The following CYTH3 variants were observed in gnomAD, a reference collection of about 807,000 sequenced individuals.
The protein encoded by CYTH3 is cytohesin-3.
In CYTH3, 23 loss-of-function variants were observed where a neutral mutation model predicts 55.1. The ratio of observed to expected loss-of-function variants is 0.42; its 90% CI spans 0.30 to 0.59. CYTH3 has a LOEUF of 0.59. Ranked by LOEUF, CYTH3 falls within the 20% of genes least tolerant of loss-of-function variation. CYTH3 has a pLI of 0.20. For synonymous variants in CYTH3, 249 were observed against 194.9 expected, an observed-to-expected ratio of 1.28 and a Z score of -2.31; for missense variants, 413 against 524.8, an observed-to-expected ratio of 0.79 and a Z score of 2.08.
In CYTH3 at chr7:6,163,285, C is replaced by A. The variant is rs1307305085; in HGVS notation, c.*1659G>T. The A allele has an allele frequency of 6.6e-6, 1 of 152,312 alleles. No individual in the cohort carries two copies. The highest frequency in any genetic ancestry group is 1.9e-4 in the East Asian group (1 of 5,196). The allele number at this position is 152,312 out of a possible 1,614,324, so 9.4% of individuals were successfully genotyped here. A position where few individuals can be genotyped will look rare whatever the true frequency, so the allele number is the denominator to read the frequency against. On this transcript the variant is annotated 3_prime_UTR_variant, in exon 13 of 13. Transcript: ENST00000350796. ...CTGCTGAGAAGGAAACCTAGGTGCA[C>A]AAAGTCTGAGGTTTTGTCTCTGGAC...
intron 1 of CYTH3, among the ~76,000 whole-genome samples, chr7:6,249,134 G>C (rs1443881951): frequency 6.6e-6 from 1 of 152,122 alleles, no homozygotes; most frequent in East Asian, 1.9e-4. Flanking sequence ...TTGGTGTTGC[G>C]TGTAGGTAAC....
At chr7:6,176,254 ATTT>A (rs776819156) in intron 5 of CYTH3, among the ~76,000 whole-genome samples, 5 of 82,898 alleles carry the variant, frequency 6.0e-5, no homozygotes, top group African/African-American at 1.6e-4. Context: ...AATACAATTG[ATTT>A]TTTTTTTTTT....
At chr7:6,241,632 T>G (rs1424351698) in intron 1 of CYTH3, among the ~76,000 whole-genome samples, 2 of 152,102 alleles carry the variant, frequency 1.3e-5, no homozygotes, top group Non-Finnish European at 2.9e-5. Flanking sequence ...AGCGAAAGAT[T>G]AGAAACAATC....
At chr7:6,185,201 C>G (rs1783604590) in intron 4 of CYTH3, among the ~76,000 whole-genome samples, 1 of 152,182 alleles carries the variant, frequency 6.6e-6, no homozygotes, top group Non-Finnish European at 1.5e-5. Flanking sequence ...AGCAGAGAAC[C>G]AGAAAGCAAC....
At chr7:6,245,721 A>G (rs992767171) in intron 1 of CYTH3, among the ~76,000 whole-genome samples, 3 of 152,208 alleles carry the variant, frequency 2.0e-5, no homozygotes, top group African/African-American at 7.2e-5. Context: ...CCTGACCAAC[A>G]TGGTGAAACC....
chr7:6,177,637 A>G (rs953617554), intron 5 of CYTH3, among the ~76,000 whole-genome samples, 186 bp downstream of exon 5: 1 of 152,208 alleles, frequency 6.6e-6, no homozygotes, highest in Non-Finnish European at 1.5e-5. Flanking sequence ...CTCTCCTCCC[A>G]TGGACACGGG....
chr7:6,187,868 CAGCTAG>C (rs1234085313), intron 2 of CYTH3, 147 bp from the exon 3 acceptor site: 4 of 681,088 alleles, frequency 5.9e-6, no homozygotes, highest in Non-Finnish European at 1.1e-5. Context: ...ATTATCAATA[CAGCTAG>C]AGCTTCATAG....
At chr7:6,225,135 T>C (rs565085588) in intron 1 of CYTH3, among the ~76,000 whole-genome samples, 4 of 152,156 alleles carry the variant, frequency 2.6e-5, no homozygotes, top group Non-Finnish European at 5.9e-5. Context: ...CCAAAACAAA[T>C]TATAAACAAA....
intron 4 of CYTH3, among the ~76,000 whole-genome samples, chr7:6,180,669 C>T (rs1157439042): frequency 6.6e-6 from 1 of 152,216 alleles, no homozygotes; most frequent in Non-Finnish European, 1.5e-5. Flanking sequence ...AATACTAATA[C>T]ACTAGGTAAA....
At chr7:6,229,318 T>C (rs954418051) in intron 1 of CYTH3, among the ~76,000 whole-genome samples, 1 of 152,198 alleles carries the variant, frequency 6.6e-6, no homozygotes, top group African/African-American at 2.4e-5. Flanking sequence ...TTTAAACTTA[T>C]AAAGAAATTA....
At chr7:6,227,398 T>C (rs184109874) in intron 1 of CYTH3, among the ~76,000 whole-genome samples, 27 of 152,092 alleles carry the variant, frequency 1.8e-4, no homozygotes, top group Admixed American at 3.9e-4. Context: ...GAAAAACATA[T>C]GTTCATCTCA....
chr7:6,165,037 C>T (rs983785821), intron 12 of CYTH3, 21 bp from the exon 13 acceptor site: 1 of 1,614,124 alleles, frequency 6.2e-7, no homozygotes, highest in South Asian at 1.1e-5. Flanking sequence ...AAGGAAAACA[C>T]ACAGGTTAGG....
chr7:6,212,653 T>G (rs1784346771), intron 1 of CYTH3: 1 of 152,222 alleles, frequency 6.6e-6, no homozygotes, highest in South Asian at 2.1e-4. Flanking sequence ...ATTAGTCAAA[T>G]GCAGTAGTGA....
chr7:6,196,020 G>C (rs777924232), intron 1 of CYTH3, among the ~76,000 whole-genome samples: 1 of 152,104 alleles, frequency 6.6e-6, no homozygotes, highest in Non-Finnish European at 1.5e-5. Flanking sequence ...GCCTTCCAAT[G>C]TGTCAGTTTC....
chr7:6,179,885 A>AC (rs1165089582), intron 4 of CYTH3, among the ~76,000 whole-genome samples: 32 of 118,850 alleles, frequency 2.7e-4, no homozygotes, highest in African/African-American at 9.9e-4. Flanking sequence ...CACCACACAC[A>AC]CCACACACAC....
At chr7:6,268,140 T>A (rs151293664) in intron 1 of CYTH3, among the ~76,000 whole-genome samples, 1 of 152,148 alleles carries the variant, frequency 6.6e-6, no homozygotes, top group African/African-American at 2.4e-5. Flanking sequence ...GAGCACGCAA[T>A]GCACACTTTC....
intron 4 of CYTH3, among the ~76,000 whole-genome samples, chr7:6,179,636 CCTCA>C (rs1455986247): frequency 9.7e-6 from 1 of 103,154 alleles, no homozygotes; most frequent in African/African-American, 3.8e-5. Context: ...CCCACATACA[CCTCA>C]CACACCCCAC....
chr7:6,256,725 TAA>T (rs1217933174), intron 1 of CYTH3, among the ~76,000 whole-genome samples: 3 of 152,010 alleles, frequency 2.0e-5, no homozygotes, highest in East Asian at 3.9e-4. Flanking sequence ...TGAAAAAAAT[TAA>T]AAAGTCATGT....
At position 6,187,114 on chromosome 7, in the gene CYTH3, T is replaced by G; in HGVS notation, c.185A>C (p.Lys62Thr). ...IDNLTSVEES[K>T]TTQRNKQIAM... The stretch of plus-strand genomic sequence containing the variant: ...TATCTGTTTGTTCCTCTGAGTCGTT[T>G]TGCTATTGGTGTGAAATAATTTAAA... The change falls in exon 4 of 13, where the codon AAA becomes ACA. Residue 62 changes from lysine to threonine, a missense_variant and splice_region_variant. Physicochemically the swap from Lys to Thr is moderately conservative, Grantham distance 78 (BLOSUM62 -1). This residue lies in a region of CYTH3 where 152 missense variants were observed against 148.1 expected (regional missense o/e 1.03). Coordinates refer to ENST00000350796, the MANE Select transcript of CYTH3 (RefSeq NM_004227.4). 1 of 1,614,100 alleles carries G rather than the reference T, an allele frequency of 6.2e-7. No homozygotes were observed. Among genetic ancestry groups the G allele is most frequent in the Non-Finnish European group, 8.5e-7 (1 of 1,179,938 alleles).
Sources: gnomAD v4.1 joint callset for allele counts (sites outside exome capture counted in the v4.1 genomes callset) on GRCh38, gnomAD v4.1.1 for gene constraint, gnomAD v4.1.1 regional missense constraint, MANE v1.5 for transcripts, NCBI Gene and HGNC (gene_info 2026-07-23, HGNC 2026-07-21) for gene names.